Variants in SLC25A25 observed in about 807,000 individuals in gnomAD.
The protein encoded by SLC25A25 is mitochondrial adenyl nucleotide antiporter SLC25A25.
A neutral mutation model predicts 57.7 loss-of-function variants in SLC25A25; 32 were observed. That is an observed-to-expected ratio of 0.55 (90% CI 0.42 to 0.74). The LOEUF is 0.74. Among genes scored for constraint, SLC25A25 ranks in the 30% least tolerant of loss-of-function variants. The probability of loss-of-function intolerance (pLI) is 0.00; values close to 1 mark genes in which losing one functional copy is unlikely to be tolerated. For synonymous variants in SLC25A25, 306 were observed against 291.2 expected (o/e 1.05, Z -0.52); for missense variants, 556 against 701.3 (o/e 0.79, Z 2.34).
At chr9:128,094,009 G>A (rs892407628) in intron 1 of SLC25A25, among the ~76,000 whole-genome samples, 6 of 152,134 alleles carry the variant, frequency 3.9e-5, no homozygotes, top group South Asian at 4.1e-4. Context: ...TTAGCTGGGC[G>A]TGGTGGTGCG....
intron 1 of SLC25A25, among the ~76,000 whole-genome samples, chr9:128,077,210 T>C (rs1480704709): frequency 6.6e-6 from 1 of 152,188 alleles, no homozygotes; most frequent in Non-Finnish European, 1.5e-5. Context: ...CAGACTTTCC[T>C]CGGAAATGTT....
intron 1 of SLC25A25, among the ~76,000 whole-genome samples, chr9:128,096,788 G>A (rs556239015): frequency 2.6e-4 from 40 of 152,312 alleles, no homozygotes; most frequent in Admixed American, 1.6e-3. Context: ...GATAAGAGGC[G>A]TGTTAAAATA....
chr9:128,068,421 C>A lies in SLC25A25; in HGVS notation c.102C>A (p.Asp34Glu). ...CCTCATCGCCGGCGTCCGTGGGGGA[C>A]CCCTGCGGCGGCGCTATCTGCGGGG... is the stretch of plus-strand genomic sequence containing the variant. The part of the protein sequence containing the change: ...SSASSPASVG[D>E]PCGGAICGGP... Residue 34 changes from aspartate (D) to glutamate (E), a missense_variant, in exon 1 of 11, where the codon GAC becomes GAA. This residue lies in a region of SLC25A25 where 248 missense variants were observed against 273.5 expected (regional missense o/e 0.91). Transcript: ENST00000373069. 6.4e-7 allele frequency: 1 copy of A among 1,560,072 alleles called. No homozygotes were observed. The highest frequency in any genetic ancestry group is 8.6e-7 in the Non-Finnish European group (1 of 1,163,568).
chr9:128,090,336 C>A (rs1164893441), intron 1 of SLC25A25, among the ~76,000 whole-genome samples: 1 of 152,062 alleles, frequency 6.6e-6, no homozygotes, highest in Non-Finnish European at 1.5e-5. Flanking sequence ...CCTCAGCCTC[C>A]CAAGTAGCTG....
chr9:128,088,789 G>A (rs1833335219), intron 1 of SLC25A25, among the ~76,000 whole-genome samples: 1 of 152,290 alleles, frequency 6.6e-6, no homozygotes, highest in East Asian at 1.9e-4. Context: ...AGGAGGAAGT[G>A]CATTAAATCA....
chr9:128,086,389 A>G (rs1278680591), intron 1 of SLC25A25, among the ~76,000 whole-genome samples: 1 of 144,954 alleles, frequency 6.9e-6, no homozygotes, highest in Non-Finnish European at 1.5e-5. Context: ...GCTGGAGTGC[A>G]ATGGCGCGAT....
Position 128,101,151 on chromosome 9 carries a change from T to A in SLC25A25, c.317T>A (p.Phe106Tyr). 1 of 1,614,260 alleles carries A rather than the reference T, an allele frequency of 6.2e-7. No individual in the cohort carries two copies. Among genetic ancestry groups the A allele is most frequent in the Non-Finnish European group, 8.5e-7 (1 of 1,180,050 alleles). ...GATGGGCAGCTAGACTTTGAAGAAT[T>A]TGTCCATTATCTCCAAGATCATGAG... Reference protein sequence around the residue: ...DLDGQLDFEEFVHYLQDHEKK... With the variant: ...DLDGQLDFEEYVHYLQDHEKK... The change falls in exon 2 of 11, where the codon TTT becomes TAT. Residue 106 changes from phenylalanine to tyrosine, a missense_variant. Coordinates refer to ENST00000373069, the MANE Select transcript of SLC25A25 (RefSeq NM_001330988.2). The surrounding 1 kb of genome is among the most constrained non-coding windows in gnomAD (Gnocchi z 4.9).
At chr9:128,104,991 G>A (rs750406131) in intron 6 of SLC25A25, among the ~76,000 whole-genome samples, 2 of 150,564 alleles carry the variant, frequency 1.3e-5, no homozygotes, top group Non-Finnish European at 3.0e-5. Context: ...TAGTAGCTGG[G>A]ATTATTACAG....
At chr9:128,097,110 A>G (rs1325145157) in intron 1 of SLC25A25, among the ~76,000 whole-genome samples, 2 of 152,254 alleles carry the variant, frequency 1.3e-5, no homozygotes, top group African/African-American at 4.8e-5. Flanking sequence ...TGTGATCCCC[A>G]AGTAATAACT....
intron 1 of SLC25A25, among the ~76,000 whole-genome samples, chr9:128,076,743 C>G (rs1298850856): frequency 1.3e-5 from 2 of 152,278 alleles, no homozygotes; most frequent in East Asian, 3.9e-4. Context: ...GCTGGGATTA[C>G]AGGCGTGAGC....
Position 128,105,848 on chromosome 9 carries a change from C to T in SLC25A25, c.903C>T (p.Pro301=), listed in dbSNP as rs1416138856. The T allele has an allele frequency of 9.3e-6, 15 of 1,614,122 alleles. No individual in the cohort carries two copies. The highest frequency in any genetic ancestry group is 3.3e-5 in the South Asian group (3 of 91,082). Residue 301 remains proline (P), a synonymous_variant, in exon 7 of 11, where the codon CCC becomes CCT. Transcript: ENST00000373069. ...GCATCAACGTCCTCAAAATTGCCCCCGAATCAGCCATCAAATTCATGGCCT... is the reference window on the plus strand; with the variant it reads ...GCATCAACGTCCTCAAAATTGCCCCTGAATCAGCCATCAAATTCATGGCCT... The part of the protein sequence containing the change: ...GNGINVLKIA[P]ESAIKFMAYE...
chr9:128,087,189 C>T (rs1833296647), intron 1 of SLC25A25, among the ~76,000 whole-genome samples: 1 of 152,068 alleles, frequency 6.6e-6, no homozygotes, highest in African/African-American at 2.4e-5. Flanking sequence ...CAGCCAGCCT[C>T]AGCCTCCCAA....
chr9:128,081,001 C>A (rs759724001), intron 1 of SLC25A25, among the ~76,000 whole-genome samples: 2 of 152,124 alleles, frequency 1.3e-5, no homozygotes, highest in Admixed American at 6.6e-5. Flanking sequence ...TTTTCATTCA[C>A]GACTTGGGTG....
At chr9:128,091,871 A>G in intron 1 of SLC25A25, 1 of 1,607,526 alleles carries the variant, frequency 6.2e-7, no homozygotes, top group Non-Finnish European at 8.5e-7. Context: ...GGAGACCGTG[A>G]TGTTGCAGAT....
chr9:128,068,826 C>T (rs1356811825), intron 1 of SLC25A25, among the ~76,000 whole-genome samples: 2 of 152,166 alleles, frequency 1.3e-5, no homozygotes, highest in East Asian at 1.9e-4. Flanking sequence ...TTCTGATGGG[C>T]GAAAAGCCCT....
rs941290917 is a variant in SLC25A25, at chr9:128,102,611, T to C, written c.624+130T>C. On this transcript the variant is annotated intron_variant, in intron 5 of 10. Coordinates refer to ENST00000373069, the MANE Select transcript of SLC25A25 (RefSeq NM_001330988.2). The surrounding 1 kb of genome is among the most constrained non-coding windows in gnomAD (Gnocchi z 4.1). The stretch of plus-strand genomic sequence containing the variant: ...TCCTCTTCCACAGGAGACTGTCCCC[T>C]CTTCTGCCAGCCCAGTAGAGCTGTC... 1.2e-5 allele frequency: 8 copies of C among 695,210 alleles called. No homozygotes were observed. The highest frequency in any genetic ancestry group is 1.9e-5 in the Non-Finnish European group (8 of 413,678). The allele number at this position is 695,210 out of a possible 1,614,324, so 43.1% of individuals were successfully genotyped here. A position where few individuals can be genotyped will look rare whatever the true frequency, so the allele number is the denominator to read the frequency against.
Position 128,099,122 on chromosome 9 carries a change from G to T in SLC25A25, c.262-1974G>T. 1 of 985,372 alleles carries T rather than the reference G, an allele frequency of 1.0e-6. No homozygotes were observed. 61.0% of individuals were successfully genotyped at this position (985,372 alleles called of 1,614,324 possible). On this transcript the variant is annotated intron_variant, in intron 1 of 10. Coordinates refer to ENST00000373069, the MANE Select transcript of SLC25A25 (RefSeq NM_001330988.2). This position sits in a 1 kb window ranked among gnomAD's most constrained non-coding sequence, Gnocchi z 6.8. ...TGGTGGAGCTGCCCGTCCCTGGTGT[G>T]GGGGTGAGGGAGCCTCCCGCCTTCT... is the stretch of plus-strand genomic sequence containing the variant.
In SLC25A25 at chr9:128,107,429, C is replaced by T. The variant is rs762615145; in HGVS notation, c.1533C>T (p.Gly511=). 25 of 1,506,960 alleles carry T rather than the reference C, an allele frequency of 1.7e-5. No individual in the cohort carries two copies. Among genetic ancestry groups the T allele is most frequent in the African/African-American group, 2.8e-5 (2 of 71,494 alleles). 93.3% of individuals were successfully genotyped at this position (1,506,960 alleles called of 1,614,324 possible). A position where few individuals can be genotyped will look rare whatever the true frequency, so the allele number is the denominator to read the frequency against. Residue 511 remains glycine (G), a synonymous_variant, in exon 11 of 11, where the codon GGC becomes GGT. Coordinates refer to ENST00000373069, the MANE Select transcript of SLC25A25 (RefSeq NM_001330988.2). ...ACGAGAACCTGAAGATCACCCTGGG[C>T]GTGCAGTCGCGGTGACGGGGGGAGG... ...VVYENLKITL[G]VQSR
At chr9:128,085,419 C>T (rs1365731667) in intron 1 of SLC25A25, among the ~76,000 whole-genome samples, 1 of 151,930 alleles carries the variant, frequency 6.6e-6, no homozygotes, top group East Asian at 1.9e-4. Flanking sequence ...CACTTGAGCC[C>T]AGGAGTTCAA....
Sources: gnomAD v4.1 joint callset for allele counts (sites outside exome capture counted in the v4.1 genomes callset) on GRCh38, gnomAD v4.1.1 for gene constraint, gnomAD v4.1.1 regional missense constraint, Gnocchi (gnomAD v3.1) non-coding constraint, MANE v1.5 for transcripts, NCBI Gene and HGNC (gene_info 2026-07-23, HGNC 2026-07-21) for gene names.